Variants in DOC2B observed in about 807,000 individuals in gnomAD.
DOC2B encodes the protein double C2-like domain-containing protein beta.
In DOC2B, 21 loss-of-function variants were observed where a neutral mutation model predicts 28.9. The observed-to-expected ratio is 0.73, with a 90% CI of 0.52 to 1.05. DOC2B has a LOEUF of 1.05. Among genes scored for constraint, DOC2B ranks in the 50% least tolerant of loss-of-function variants. The pLI, the probability that DOC2B is intolerant of heterozygous loss-of-function variation, is 0.00. For missense variants in DOC2B, 384 were observed against 421.1 expected, an observed-to-expected ratio of 0.91 and a Z score of 0.77; for synonymous variants, 194 against 178.1, an observed-to-expected ratio of 1.09 and a Z score of -0.71.
intron 2 of DOC2B, among the ~76,000 whole-genome samples, chr17:170,249 G>C (rs769271493): frequency 3.9e-5 from 6 of 152,192 alleles, no homozygotes; most frequent in African/African-American, 1.4e-4. Context: ...GGCAGGGCTG[G>C]ACATGCCCTG....
chr17:173,174 C>A (rs564101103), intron 1 of DOC2B, among the ~76,000 whole-genome samples: 1 of 152,276 alleles, frequency 6.6e-6, no homozygotes, highest in East Asian at 1.9e-4. Context: ...ATACTGCTGC[C>A]CCCAAGTCTC....
At chr17:150,842 CA>C (rs2040064927) in intron 6 of DOC2B, among the ~76,000 whole-genome samples, 2 of 152,186 alleles carry the variant, frequency 1.3e-5, no homozygotes, top group African/African-American at 4.8e-5. Flanking sequence ...CACTTAGCAA[CA>C]AAAAGGACCA....
chr17:144,192 G>C lies in DOC2B; in HGVS notation c.*3249C>G, dbSNP rs2040003894. On this transcript the variant is annotated 3_prime_UTR_variant, in exon 9 of 9. Transcript: ENST00000613549. ...GATTTCCTGTCTTTGTGGGGATGAT[G>C]GACCCGAGTAAAGATGCCCATTCGG... The C allele has an allele frequency of 6.6e-6, 1 of 152,524 alleles. No individual in the cohort carries two copies. Among genetic ancestry groups the C allele is most frequent in the Non-Finnish European group, 1.5e-5 (1 of 67,984 alleles). 9.4% of individuals were successfully genotyped at this position (152,524 alleles called of 1,614,324 possible). A position where few individuals can be genotyped will look rare whatever the true frequency, so the allele number is the denominator to read the frequency against.
At position 157,365 on chromosome 17, in the gene DOC2B, G is replaced by A. The variant is rs574803303; in HGVS notation, c.766-988C>T. Among the ~76,000 whole-genome samples the A allele has an allele frequency of 3.7e-4, 56 of 152,284 alleles. 1 individual carries two copies. The highest frequency in any genetic ancestry group is 8.7e-4 in the African/African-American group (36 of 41,564). ...GGTGGGTTGGCCGTCCCCTCTGCGCGCCCACTGCCTCGGGTTTATCCTGTC... is the reference window on the plus strand; with the variant it reads ...GGTGGGTTGGCCGTCCCCTCTGCGCACCCACTGCCTCGGGTTTATCCTGTC... On this transcript the variant is annotated intron_variant, in intron 5 of 8. Transcript: ENST00000613549.
chr17:180,136 C>T (rs2040421716), intron 1 of DOC2B, among the ~76,000 whole-genome samples: 1 of 152,246 alleles, frequency 6.6e-6, no homozygotes, highest in African/African-American at 2.4e-5. Flanking sequence ...GCTGGTTTTC[C>T]AGGTCTCAGT....
intron 4 of DOC2B, among the ~76,000 whole-genome samples, chr17:161,808 A>T (rs956973738): frequency 1.9e-4 from 29 of 152,262 alleles, no homozygotes; most frequent in African/African-American, 7.0e-4. Flanking sequence ...AGGCTGGGAG[A>T]GCCGGTTCTC....
Position 171,996 on chromosome 17 carries a change from C to T in DOC2B, c.453+541G>A, listed in dbSNP as rs375781388. On this transcript the variant is annotated intron_variant, in intron 2 of 8. Transcript: ENST00000613549. Reference sequence around the variant, plus strand: ...GCCAGGCTGCAGAGGGGAGCACCAGCGGCCGGGCCAGGCTGCAGAGGGGTC... The same window carrying T: ...GCCAGGCTGCAGAGGGGAGCACCAGTGGCCGGGCCAGGCTGCAGAGGGGTC... 7.6e-4 allele frequency among the ~76,000 whole-genome samples: 89 copies of T among 116,664 alleles called. 2 individuals carry two copies. The highest frequency in any genetic ancestry group is 2.7e-3 in the African/African-American group (81 of 29,702). The allele number at this position is 116,664 out of a possible 152,430, so 76.5% of individuals were successfully genotyped here.
At chr17:156,468 C>A in intron 5 of DOC2B, 91 bp from the exon 6 acceptor site, 1 of 1,438,946 alleles carries the variant, frequency 6.9e-7, no homozygotes, top group Non-Finnish European at 9.4e-7. Context: ...GCCCATCCGG[C>A]TGCTGCAGCC....
intron 2 of DOC2B, among the ~76,000 whole-genome samples, chr17:172,309 C>T (rs1414052416): frequency 6.6e-6 from 1 of 152,122 alleles, no homozygotes; most frequent in African/African-American, 2.4e-5. Flanking sequence ...TTCCCATTCT[C>T]ATCTGTTTCT....
Position 156,169 on chromosome 17 carries a change from C to T in DOC2B, c.923+51G>A, listed in dbSNP as rs2294077. The T allele has an allele frequency of 3.7e-4, 557 of 1,498,350 alleles. 4 individuals carry two copies. The East Asian group carries it at 8.9e-3, about 24-fold the overall frequency. 92.8% of individuals were successfully genotyped at this position (1,498,350 alleles called of 1,614,324 possible). ...ACCACGGAGCCGGCACACGGACCCCCGTCCTTGGAGGTGAAGACGTGGCAG... is the reference window on the plus strand; with the variant it reads ...ACCACGGAGCCGGCACACGGACCCCTGTCCTTGGAGGTGAAGACGTGGCAG... On this transcript the variant is annotated intron_variant, in intron 6 of 8. Coordinates refer to ENST00000613549, the MANE Select transcript of DOC2B (RefSeq NM_003585.5).
rs2040012570 is a variant in DOC2B, at chr17:145,547, G to A, written c.*1894C>T. On this transcript the variant is annotated 3_prime_UTR_variant, in exon 9 of 9. Transcript: ENST00000613549. ...GGAGACAAGTCTCCAGGAGCAGCAG[G>A]TGGCCAGGGACTGTGTGGGGGCTGG... is the stretch of plus-strand genomic sequence containing the variant. 1 of 152,902 alleles carries A rather than the reference G, an allele frequency of 6.5e-6. No homozygotes were observed. The highest frequency in any genetic ancestry group is 1.5e-5 in the Non-Finnish European group (1 of 68,514). The allele number at this position is 152,902 out of a possible 1,614,324, so 9.5% of individuals were successfully genotyped here.
Position 181,220 on chromosome 17 carries a change from A to T in DOC2B, c.260T>A (p.Phe87Tyr). The change falls in exon 1 of 9, where the codon TTC (phenylalanine) becomes TAC (tyrosine). Residue 87 changes from phenylalanine to tyrosine, a missense_variant. Phe to Tyr is a conservative substitution (Grantham distance 22, BLOSUM62 3). Coordinates refer to ENST00000613549, the MANE Select transcript of DOC2B (RefSeq NM_003585.5). This position sits in a 1 kb window ranked among gnomAD's most constrained non-coding sequence, Gnocchi z 7.0. Reference sequence around the variant, plus strand: ...GCCCGGGCTGGAGCCGTAGGCTCCGAAGAGCTGGTCCACATCCTCGTCGTC... The same window carrying T: ...GCCCGGGCTGGAGCCGTAGGCTCCGTAGAGCTGGTCCACATCCTCGTCGTC... ...REDDEDVDQL[F>Y]GAYGSSPGPS... The T allele has an allele frequency of 8.2e-7, 1 of 1,222,512 alleles. No individual in the cohort carries two copies. Among genetic ancestry groups the T allele is most frequent in the Non-Finnish European group, 1.0e-6 (1 of 981,868 alleles). 75.7% of individuals were successfully genotyped at this position (1,222,512 alleles called of 1,614,324 possible). A position where few individuals can be genotyped will look rare whatever the true frequency, so the allele number is the denominator to read the frequency against.
intron 1 of DOC2B, among the ~76,000 whole-genome samples, chr17:180,824 G>GAAGTCGGC (rs2040432272): frequency 6.6e-6 from 1 of 151,950 alleles, no homozygotes; most frequent in African/African-American, 2.4e-5. Context: ...GAGGGGGCGC[G>GAAGTCGGC]GCGCCGGCTC....
intron 6 of DOC2B, among the ~76,000 whole-genome samples, 184 bp from the exon 7 acceptor site, chr17:149,376 A>ACTCCCACTGCCTGG: frequency 6.6e-6 from 1 of 152,078 alleles, no homozygotes; most frequent in Non-Finnish European, 1.5e-5. Flanking sequence ...TTCGAGAAGC[A>ACTCCCACTGCCTGG]AGTGGTCCCT....
In DOC2B at chr17:162,117, C is replaced by G. The variant is rs1174331463; in HGVS notation, c.602G>C (p.Gly201Ala). 1 of 1,551,732 alleles carries G rather than the reference C, an allele frequency of 6.4e-7. No homozygotes were observed. The highest frequency in any genetic ancestry group is 1.4e-5 in the African/African-American group (1 of 73,046). ...PTWNETLTYY[G>A]ITDEDMIRKT... ...GCGGATCATGTCTTCATCTGTGATC[C>G]CGTAGTAAGTGAGGGTCTCGTTCCA... Residue 201 changes from glycine to alanine, a missense_variant, in exon 4 of 9, where the codon GGG becomes GCG. By Grantham distance (60) the Gly-to-Ala change is moderately conservative (BLOSUM62 0). Coordinates refer to ENST00000613549, the MANE Select transcript of DOC2B (RefSeq NM_003585.5).
At chr17:164,829 C>T (rs893881361) in intron 2 of DOC2B, among the ~76,000 whole-genome samples, 7 of 152,214 alleles carry the variant, frequency 4.6e-5, no homozygotes, top group Admixed American at 2.0e-4. Context: ...CCTCAGCAGG[C>T]TCTTGTCTCT....
intron 1 of DOC2B, among the ~76,000 whole-genome samples, chr17:177,608 C>T (rs560215963): frequency 3.3e-5 from 5 of 152,356 alleles, no homozygotes; most frequent in African/African-American, 9.6e-5. Flanking sequence ...GCCTCCCTGT[C>T]CCTCGCTGTG....
chr17:177,612 C>T (rs1044312344), intron 1 of DOC2B, among the ~76,000 whole-genome samples: 6 of 152,248 alleles, frequency 3.9e-5, no homozygotes, highest in African/African-American at 9.6e-5. Flanking sequence ...CCCTGTCCCT[C>T]GCTGTGGGGT....
Position 180,994 on chromosome 17 carries a change from C to T in DOC2B, c.373+113G>A, listed in dbSNP as rs558097902. ...GCAAGCCCGCGGCGGGGTTGTGAAC[C>T]GAGGCAGAGCGCGAGCGCGCGAGGG... On this transcript the variant is annotated intron_variant, in intron 1 of 8. Coordinates refer to ENST00000613549, the MANE Select transcript of DOC2B (RefSeq NM_003585.5). The T allele has an allele frequency of 2.0e-3, 1,853 of 933,852 alleles. 1 individual carries two copies. The highest frequency in any genetic ancestry group is 2.4e-3 in the Non-Finnish European group (1,754 of 722,592). The allele number at this position is 933,852 out of a possible 1,614,324, so 57.8% of individuals were successfully genotyped here.
Sources: allele counts gnomAD v4.1 joint callset (sites outside exome capture counted in the v4.1 genomes callset), GRCh38; gene constraint gnomAD v4.1.1; non-coding constraint Gnocchi (gnomAD v3.1); transcripts MANE v1.5; gene names NCBI Gene and HGNC (gene_info 2026-07-23, HGNC 2026-07-21).